EIF3H: variants seen among roughly 807,000 people sequenced by gnomAD.
EIF3H encodes eukaryotic translation initiation factor 3 subunit H.
A neutral mutation model predicts 44.2 loss-of-function variants in EIF3H; 26 were observed. The ratio of observed to expected loss-of-function variants is 0.59; its 90% CI spans 0.43 to 0.82. EIF3H has a LOEUF of 0.82. Ranked by LOEUF, EIF3H falls within the 40% of genes least tolerant of loss-of-function variation. The pLI is 0.00. For synonymous variants in EIF3H, 166 were observed against 151.9 expected, an observed-to-expected ratio of 1.09 and a Z score of -0.68; for missense variants, 359 against 432.8, an observed-to-expected ratio of 0.83 and a Z score of 1.51.
chr8:116,724,972 T>C (rs1360826102), intron 2 of EIF3H, among the ~76,000 whole-genome samples: 1 of 152,170 alleles, frequency 6.6e-6, no homozygotes, highest in Non-Finnish European at 1.5e-5. Flanking sequence ...GAAGAGATAT[T>C]TGCACACCCA....
intron 2 of EIF3H, among the ~76,000 whole-genome samples, chr8:116,712,213 G>GGAGTGGTAGTGACGTTAGT (rs1294071448): frequency 6.6e-6 from 1 of 152,180 alleles, no homozygotes; most frequent in Non-Finnish European, 1.5e-5. Flanking sequence ...TTCTACCACA[G>GGAGTGGTAGTGACGTTAGT]ATGCTGGTTG....
Position 116,643,620 on chromosome 8 carries a change from C to T in EIF3H, c.*1386G>A, listed in dbSNP as rs564447181. 6.6e-6 allele frequency: 1 copy of T among 152,114 alleles called. No individual in the cohort carries two copies. The highest frequency in any genetic ancestry group is 1.5e-5 in the Non-Finnish European group (1 of 68,036). 9.4% of individuals were successfully genotyped at this position (152,114 alleles called of 1,614,324 possible). ...TGAGGTAACAGACCTGCTCTCATTT[C>T]TTATCTTATCTGGTTGACAAAAAGT... On this transcript the variant is annotated 3_prime_UTR_variant, in exon 8 of 8. Transcript: ENST00000521861.
intron 1 of EIF3H, among the ~76,000 whole-genome samples, chr8:116,736,282 G>A (rs1360778009): frequency 1.3e-5 from 2 of 152,314 alleles, no homozygotes; most frequent in East Asian, 3.9e-4. Flanking sequence ...TCCAAGTGGG[G>A]AAACTATTCT....
chr8:116,725,940 CAA>C lies in EIF3H; in HGVS notation c.289+74_289+75del, dbSNP rs149404845. 361 of 1,465,006 alleles carry C rather than the reference CAA, an allele frequency of 2.5e-4. 2 individuals carry two copies. The East Asian group carries it at 6.6e-3, about 27-fold the overall frequency. The allele number at this position is 1,465,006 out of a possible 1,614,324, so 90.8% of individuals were successfully genotyped here. A position where few individuals can be genotyped will look rare whatever the true frequency, so the allele number is the denominator to read the frequency against. On this transcript the variant is annotated intron_variant, in intron 2 of 7. Transcript: ENST00000521861. ...GACAGATTCCCAATTCACACATTATCAAAAGTTATGGTGAGACCTGTGTCAAT... is the reference window on the plus strand; with the variant it reads ...GACAGATTCCCAATTCACACATTATCAAGTTATGGTGAGACCTGTGTCAAT...
intron 2 of EIF3H, among the ~76,000 whole-genome samples, chr8:116,685,051 T>C (rs1368403027): frequency 6.6e-6 from 1 of 152,216 alleles, no homozygotes; most frequent in Non-Finnish European, 1.5e-5. Context: ...GAAAAATATT[T>C]ATAAAATGTA....
intron 7 of EIF3H, among the ~76,000 whole-genome samples, chr8:116,645,586 C>T (rs544009542): frequency 1.1e-4 from 17 of 152,180 alleles, no homozygotes; most frequent in Non-Finnish European, 2.5e-4. Flanking sequence ...GTAAAGAGTT[C>T]ACTTGAAGAA....
chr8:116,658,242 T>G (rs551408416), intron 3 of EIF3H: 1 of 152,252 alleles, frequency 6.6e-6, no homozygotes, highest in Non-Finnish European at 1.5e-5. Context: ...GGAAACTATA[T>G]GCAAGTCTGC....
At chr8:116,726,891 CCTA>C (rs1244364749) in intron 1 of EIF3H, among the ~76,000 whole-genome samples, 1 of 152,158 alleles carries the variant, frequency 6.6e-6, no homozygotes, top group African/African-American at 2.4e-5. Flanking sequence ...ATTAATAATT[CCTA>C]CAACATGGCG....
At chr8:116,650,828 C>T (rs1023968050) in intron 5 of EIF3H, among the ~76,000 whole-genome samples, 1 of 152,078 alleles carries the variant, frequency 6.6e-6, no homozygotes, top group East Asian at 1.9e-4. Context: ...TTTGTATTTT[C>T]AATAGAGACA....
At chr8:116,702,698 C>G (rs1414718162) in intron 2 of EIF3H, among the ~76,000 whole-genome samples, 2 of 152,064 alleles carry the variant, frequency 1.3e-5, no homozygotes, top group Admixed American at 1.3e-4. Flanking sequence ...TCATCATAAG[C>G]TGATTCACTG....
chr8:116,668,876 T>G (rs1211424864), intron 2 of EIF3H, among the ~76,000 whole-genome samples: 1 of 152,142 alleles, frequency 6.6e-6, no homozygotes, highest in Non-Finnish European at 1.5e-5. Context: ...TATTCAGAAG[T>G]GTTCCTTAGA....
At chr8:116,733,123 G>C (rs1180070057) in intron 1 of EIF3H, among the ~76,000 whole-genome samples, 1 of 152,156 alleles carries the variant, frequency 6.6e-6, no homozygotes, top group African/African-American at 2.4e-5. Context: ...AGAATCCAGA[G>C]AAACACTTTA....
chr8:116,704,641 T>A (rs1465256888), intron 2 of EIF3H, among the ~76,000 whole-genome samples: 6 of 152,210 alleles, frequency 3.9e-5, no homozygotes, highest in African/African-American at 7.2e-5. Flanking sequence ...GAAGATATCC[T>A]CGGCGTCAAT....
intron 2 of EIF3H, among the ~76,000 whole-genome samples, chr8:116,668,487 T>C (rs1813702876): frequency 6.6e-6 from 1 of 152,202 alleles, no homozygotes; most frequent in Non-Finnish European, 1.5e-5. Flanking sequence ...ACATACATAG[T>C]GACAAAAGTT....
At chr8:116,698,507 C>T (rs189939557) in intron 2 of EIF3H, among the ~76,000 whole-genome samples, 1 of 152,272 alleles carries the variant, frequency 6.6e-6, no homozygotes, top group Non-Finnish European at 1.5e-5. Context: ...ATGATACTTA[C>T]AAAAAGCCTT....
At chr8:116,703,682 C>A (rs1814419010) in intron 2 of EIF3H, among the ~76,000 whole-genome samples, 1 of 152,160 alleles carries the variant, frequency 6.6e-6, no homozygotes, top group Non-Finnish European at 1.5e-5. Flanking sequence ...GCTTGTGTGA[C>A]CTTACCTATC....
intron 1 of EIF3H, among the ~76,000 whole-genome samples, chr8:116,739,666 C>A (rs1043111460): frequency 2.0e-5 from 3 of 152,084 alleles, no homozygotes; most frequent in Admixed American, 2.0e-4. Context: ...ATAAATAAAT[C>A]AATCAATAAA....
intron 2 of EIF3H, among the ~76,000 whole-genome samples, chr8:116,698,574 A>G (rs934558674): frequency 2.0e-5 from 3 of 152,236 alleles, no homozygotes; most frequent in African/African-American, 7.2e-5. Context: ...AATGATCACA[A>G]TTAATACATG....
chr8:116,677,522 G>C (rs1813869613), intron 2 of EIF3H, among the ~76,000 whole-genome samples: 1 of 152,182 alleles, frequency 6.6e-6, no homozygotes, highest in South Asian at 2.1e-4. Context: ...TGAATTATAT[G>C]GTCACAGTTA....
Sources: gnomAD v4.1 joint callset for allele counts (sites outside exome capture counted in the v4.1 genomes callset) on GRCh38, gnomAD v4.1.1 for gene constraint, MANE v1.5 for transcripts, NCBI Gene and HGNC (gene_info 2026-07-23, HGNC 2026-07-21) for gene names.